Variants in GULP1 observed in about 807,000 individuals in gnomAD.
GULP1 encodes GULP PTB domain containing engulfment adaptor 1, also known as PTB domain-containing engulfment adapter protein 1.
In GULP1, 19 loss-of-function variants were observed where a neutral mutation model predicts 40.9. The observed-to-expected ratio is 0.46, with a 90% CI of 0.32 to 0.68. The LOEUF is 0.68. GULP1 is among the 30% of genes least tolerant of loss of function. The pLI is 0.03. For synonymous variants in GULP1, 119 were observed against 117.6 expected (o/e 1.01, Z -0.08); for missense variants, 312 against 362.2 (o/e 0.86, Z 1.12).
chr2:188,316,607 A>C (rs4505490), intron 1 of GULP1, among the ~76,000 whole-genome samples: 114,304 of 151,934 alleles, frequency 0.75, 43,409 homozygotes, highest in East Asian at 0.95. Flanking sequence ...TCACTTTTCA[A>C]CTCCTGCTTT....
At chr2:188,574,402 T>C (rs1046844456) in intron 9 of GULP1, among the ~76,000 whole-genome samples, 3 of 152,128 alleles carry the variant, frequency 2.0e-5, no homozygotes, top group East Asian at 1.9e-4. Context: ...GGTAGGCTGA[T>C]AGCTTGAGTC....
At chr2:188,469,994 T>C (rs1304936156) in intron 2 of GULP1, among the ~76,000 whole-genome samples, 3 of 152,204 alleles carry the variant, frequency 2.0e-5, no homozygotes, top group Non-Finnish European at 2.9e-5. Flanking sequence ...TCAGTATTCA[T>C]TAGTGATATT....
chr2:188,337,514 C>T (rs2042432017), intron 1 of GULP1, among the ~76,000 whole-genome samples: 1 of 150,594 alleles, frequency 6.6e-6, no homozygotes, highest in Admixed American at 6.7e-5. Flanking sequence ...AGGTACCTAA[C>T]ACTTTGAACT....
At chr2:188,390,925 A>AT (rs2050434455) in intron 2 of GULP1, among the ~76,000 whole-genome samples, 1 of 151,908 alleles carries the variant, frequency 6.6e-6, no homozygotes, top group South Asian at 2.1e-4. Context: ...TCAGTTGGTT[A>AT]TAAGTATTTG....
intron 1 of GULP1, among the ~76,000 whole-genome samples, chr2:188,324,224 T>C (rs1018316113): frequency 3.9e-5 from 6 of 152,136 alleles, no homozygotes; most frequent in Admixed American, 1.3e-4. Flanking sequence ...CTGTGATTAC[T>C]CTGACCACTC....
At chr2:188,297,714 A>G (rs1011528252) in intron 1 of GULP1, 1 of 248,660 alleles carries the variant, frequency 4.0e-6, no homozygotes, top group Admixed American at 5.6e-5. Context: ...TGAATCATTA[A>G]TGATTTGCCT....
intron 3 of GULP1, among the ~76,000 whole-genome samples, chr2:188,483,103 GAAGA>G (rs1481456923): frequency 2.0e-5 from 3 of 152,092 alleles, no homozygotes; most frequent in African/African-American, 7.2e-5. Context: ...TAAAGTGAAA[GAAGA>G]AAGATACTTG....
intron 6 of GULP1, among the ~76,000 whole-genome samples, chr2:188,537,169 C>G (rs780864001): frequency 1.3e-5 from 2 of 151,664 alleles, no homozygotes; most frequent in African/African-American, 4.8e-5. Context: ...TATTTTGAAG[C>G]CTTCTCTTTT....
intron 2 of GULP1, among the ~76,000 whole-genome samples, chr2:188,408,691 T>G (rs2053464693): frequency 6.6e-6 from 1 of 152,088 alleles, no homozygotes; most frequent in South Asian, 2.1e-4. Context: ...ATAAAGAAGA[T>G]TCTATCAAAC....
chr2:188,520,650 C>A (rs1449587206), intron 4 of GULP1, among the ~76,000 whole-genome samples: 1 of 151,780 alleles, frequency 6.6e-6, no homozygotes, highest in Non-Finnish European at 1.5e-5. Context: ...AGAAAGGGAA[C>A]ACCAGTTGTT....
intron 1 of GULP1, among the ~76,000 whole-genome samples, chr2:188,343,980 T>C (rs559294067): frequency 3.3e-5 from 5 of 152,202 alleles, no homozygotes; most frequent in Admixed American, 3.3e-4. Context: ...GGCTAATTTC[T>C]GTGTTTTTAG....
chr2:188,567,697 C>G (rs1180066141), intron 7 of GULP1, among the ~76,000 whole-genome samples: 1 of 152,120 alleles, frequency 6.6e-6, no homozygotes, highest in Non-Finnish European at 1.5e-5. Context: ...AGCAAACCAC[C>G]ATGGCACACG....
intron 4 of GULP1, among the ~76,000 whole-genome samples, chr2:188,517,202 A>G (rs1242029643): frequency 6.6e-6 from 1 of 152,184 alleles, no homozygotes; most frequent in African/African-American, 2.4e-5. Context: ...GGTTAAATCT[A>G]GCTAATTAAC....
chr2:188,568,648 A>G (rs182228117), intron 7 of GULP1, among the ~76,000 whole-genome samples: 7 of 152,270 alleles, frequency 4.6e-5, no homozygotes, highest in African/African-American at 1.7e-4. Context: ...TCTTTCATAC[A>G]TAAGATCTGA....
chr2:188,507,396 C>CTTTT (rs5837091), intron 4 of GULP1, among the ~76,000 whole-genome samples: 6 of 103,526 alleles, frequency 5.8e-5, no homozygotes, highest in Non-Finnish European at 8.0e-5. Flanking sequence ...CATTTGTTTT[C>CTTTT]TTTTTTTTTT....
At chr2:188,579,780 C>T (rs970293514) in intron 9 of GULP1, among the ~76,000 whole-genome samples, 1 of 151,864 alleles carries the variant, frequency 6.6e-6, no homozygotes, top group Non-Finnish European at 1.5e-5. Flanking sequence ...AGTTTACCTC[C>T]CCAGAGGAAG....
rs955475408 is a variant in GULP1, at chr2:188,424,891, C to T, written c.-45+41002C>T. Reference sequence around the variant, plus strand: ...ACAGGTTCATCAGTTTATGGAATTTCTTGTAAAATGTTAGCTAGATATAAA... The same window carrying T: ...ACAGGTTCATCAGTTTATGGAATTTTTTGTAAAATGTTAGCTAGATATAAA... On this transcript the variant is annotated intron_variant, in intron 2 of 11. Coordinates refer to ENST00000409830, the MANE Select transcript of GULP1 (RefSeq NM_016315.4). Among the ~76,000 whole-genome samples, 8 of 152,000 alleles carry T rather than the reference C, an allele frequency of 5.3e-5. No homozygotes were observed. The East Asian group carries it at 1.5e-3, about 29-fold the overall frequency.
At chr2:188,398,236 A>C (rs1340811073) in intron 2 of GULP1, among the ~76,000 whole-genome samples, 1 of 152,242 alleles carries the variant, frequency 6.6e-6, no homozygotes, top group Non-Finnish European at 1.5e-5. Flanking sequence ...TACGTTTCCA[A>C]CACCTTGATT....
At chr2:188,418,019 A>G (rs959485616) in intron 2 of GULP1, among the ~76,000 whole-genome samples, 1 of 151,598 alleles carries the variant, frequency 6.6e-6, no homozygotes, top group Non-Finnish European at 1.5e-5. Context: ...TTGCTATGTT[A>G]TCTGGCCACG....
Sources: gnomAD v4.1 joint callset for allele counts (sites outside exome capture counted in the v4.1 genomes callset) on GRCh38, gnomAD v4.1.1 for gene constraint, MANE v1.5 for transcripts, NCBI Gene and HGNC (gene_info 2026-07-23, HGNC 2026-07-21) for gene names.